Variants in ANXA2 observed in about 807,000 individuals in gnomAD.
ANXA2 encodes annexin II.
Under a neutral mutation model 47.3 loss-of-function variants are expected in ANXA2, and 28 were observed. The ratio of observed to expected loss-of-function variants is 0.59; its 90% CI spans 0.44 to 0.81. ANXA2 has a LOEUF of 0.81. Among genes scored for constraint, ANXA2 ranks in the 40% least tolerant of loss-of-function variants. The probability of loss-of-function intolerance (pLI) is 0.00; values close to 1 mark genes in which losing one functional copy is unlikely to be tolerated. For missense variants in ANXA2, 384 were observed against 414.3 expected (o/e 0.93, Z 0.64); for synonymous variants, 172 against 155.5 (o/e 1.11, Z -0.79).
intron 3 of ANXA2, among the ~76,000 whole-genome samples, chr15:60,377,712 C>T (rs1479762094): frequency 6.6e-6 from 1 of 152,140 alleles, no homozygotes; most frequent in African/African-American, 2.4e-5. Flanking sequence ...ATAATATCTA[C>T]ACAGTGCAGT....
intron 5 of ANXA2, among the ~76,000 whole-genome samples, chr15:60,359,473 T>A (rs989707150): frequency 6.6e-6 from 1 of 152,202 alleles, no homozygotes; most frequent in African/African-American, 2.4e-5. Flanking sequence ...GTTGTCGACA[T>A]TTTATCATTC....
chr15:60,394,425 A>T (rs2063053837), intron 1 of ANXA2: 1 of 152,074 alleles, frequency 6.6e-6, no homozygotes, highest in Admixed American at 6.6e-5. Flanking sequence ...TGGGCCAGGC[A>T]TAGTGGCTCA....
At chr15:60,348,174 C>G (rs1001727817) in intron 12 of ANXA2, among the ~76,000 whole-genome samples, 6 of 152,166 alleles carry the variant, frequency 3.9e-5, no homozygotes, top group African/African-American at 1.4e-4. Flanking sequence ...AACATGTGCC[C>G]TAATAAACCT....
chr15:60,371,221 C>A (rs1304582089), intron 3 of ANXA2, among the ~76,000 whole-genome samples: 1 of 152,180 alleles, frequency 6.6e-6, no homozygotes. Flanking sequence ...ATCGTGGGCA[C>A]CCCCAGAGGT....
chr15:60,372,712 T>TA (rs1171346776), intron 3 of ANXA2, among the ~76,000 whole-genome samples: 1 of 149,082 alleles, frequency 6.7e-6, no homozygotes, highest in Admixed American at 6.7e-5. Flanking sequence ...TTTTTTTTTT[T>TA]AAACAGGGTC....
Position 60,367,382 on chromosome 15 carries a change from C to T in ANXA2, c.149-2859G>A, listed in dbSNP as rs1263446047. ...CCTCTGCCCGGCCAGCCGCCCGGTC[C>T]GGGAGGGAGGCGGGGGGGGGTCGGC... On this transcript the variant is annotated intron_variant, in intron 3 of 12. Coordinates refer to ENST00000451270, the MANE Select transcript of ANXA2 (RefSeq NM_004039.3). Among the ~76,000 whole-genome samples, 22 of 40,874 alleles carry T rather than the reference C, an allele frequency of 5.4e-4. 1 individual carries two copies. Among genetic ancestry groups the T allele is most frequent in the African/African-American group, 2.5e-3 (21 of 8,464 alleles). The allele number at this position is 40,874 out of a possible 152,430, so 26.8% of individuals were successfully genotyped here.
intron 3 of ANXA2, among the ~76,000 whole-genome samples, chr15:60,372,959 C>T (rs931679315): frequency 6.6e-6 from 1 of 152,038 alleles, no homozygotes; most frequent in Non-Finnish European, 1.5e-5. Context: ...CCAGCCTGGC[C>T]CAACAATCTC....
At position 60,397,908 on chromosome 15, in the gene ANXA2, G is replaced by T. The variant is rs560097543; in HGVS notation, c.-12+35C>A. ...CGTCTCCACACCCCGCTAGCTGGCG[G>T]CCCATCGCGGGCGGGCAGGGCGCGC... On this transcript the variant is annotated intron_variant, in intron 1 of 12. Transcript: ENST00000451270. The T allele has an allele frequency of 2.3e-5, 31 of 1,340,416 alleles. 1 individual carries two copies. Among genetic ancestry groups the T allele is most frequent in the South Asian group, 1.2e-4 (6 of 51,794 alleles). 83.0% of individuals were successfully genotyped at this position (1,340,416 alleles called of 1,614,324 possible). A position where few individuals can be genotyped will look rare whatever the true frequency, so the allele number is the denominator to read the frequency against.
chr15:60,374,569 T>A (rs1270903081), intron 3 of ANXA2: 2 of 455,636 alleles, frequency 4.4e-6, no homozygotes, highest in East Asian at 6.9e-5. Flanking sequence ...AACTGTTTTT[T>A]AAAAAAAGAA....
intron 9 of ANXA2, 104 bp from the exon 10 acceptor site, chr15:60,351,923 A>ATGCTG: frequency 2.5e-6 from 2 of 799,680 alleles, no homozygotes; most frequent in Non-Finnish European, 4.2e-6. Flanking sequence ...AAAATTGAGG[A>ATGCTG]TGATCACAGC....
At chr15:60,358,502 TATTA>T (rs775237935) in intron 5 of ANXA2, among the ~76,000 whole-genome samples, 1 of 152,256 alleles carries the variant, frequency 6.6e-6, no homozygotes, top group Admixed American at 6.5e-5. Context: ...GCGTGTCAGC[TATTA>T]ATTAAACTTA....
chr15:60,361,231 T>TA (rs1374441086), intron 4 of ANXA2, among the ~76,000 whole-genome samples, 177 bp from the exon 5 acceptor site: 21 of 152,150 alleles, frequency 1.4e-4, no homozygotes, highest in Admixed American at 6.5e-4. Flanking sequence ...CTCAGAAACA[T>TA]AAACATCAGG....
At chr15:60,368,037 T>C (rs1340440100) in intron 3 of ANXA2, among the ~76,000 whole-genome samples, 4 of 129,792 alleles carry the variant, frequency 3.1e-5, no homozygotes, top group African/African-American at 1.2e-4. Context: ...CTCTGAAACA[T>C]GTGCTGCGTC....
intron 2 of ANXA2, 120 bp downstream of exon 2, chr15:60,385,908 A>G (rs1358773477): frequency 3.1e-6 from 2 of 635,796 alleles, no homozygotes; most frequent in African/African-American, 1.8e-5. Context: ...AGGAGAACCA[A>G]ATGATGACTG....
At chr15:60,391,029 T>C (rs1481443117) in intron 1 of ANXA2, 1 of 152,476 alleles carries the variant, frequency 6.6e-6, no homozygotes, top group East Asian at 1.9e-4. Flanking sequence ...ATACCAAGCA[T>C]ACGCTGAGCC....
At position 60,347,233 on chromosome 15, in the gene ANXA2, C is replaced by T. The variant is rs1895756875; in HGVS notation, c.*397G>A. 2 of 237,178 alleles carry T rather than the reference C, an allele frequency of 8.4e-6. No individual in the cohort carries two copies. Among genetic ancestry groups the T allele is most frequent in the East Asian group, 1.0e-4 (1 of 9,694 alleles). 14.7% of individuals were successfully genotyped at this position (237,178 alleles called of 1,614,324 possible). ...GGGCAACCATACTGTACAGCTCAGT[C>T]CCAGAGCTTTCTTCCTACAGGGACA... On this transcript the variant is annotated 3_prime_UTR_variant, in exon 13 of 13. Coordinates refer to ENST00000451270, the MANE Select transcript of ANXA2 (RefSeq NM_004039.3).
chr15:60,348,172 C>A (rs924538550), intron 12 of ANXA2, among the ~76,000 whole-genome samples: 1 of 152,118 alleles, frequency 6.6e-6, no homozygotes, highest in Non-Finnish European at 1.5e-5. Context: ...TAAACATGTG[C>A]CCTAATAAAC....
At chr15:60,381,437 G>T (rs928832465) in intron 3 of ANXA2, among the ~76,000 whole-genome samples, 3 of 152,290 alleles carry the variant, frequency 2.0e-5, no homozygotes, top group African/African-American at 7.2e-5. Context: ...GGATTCAGGG[G>T]ATGGGACAAC....
In ANXA2 at chr15:60,355,613, G is replaced by C. The variant is rs542419288; in HGVS notation, c.528+306C>G. The C allele has an allele frequency of 6.3e-4, 287 of 454,578 alleles. 1 individual carries two copies. The highest frequency in any genetic ancestry group is 2.8e-3 in the Admixed American group (81 of 29,408). 28.2% of individuals were successfully genotyped at this position (454,578 alleles called of 1,614,324 possible). On this transcript the variant is annotated intron_variant, in intron 7 of 12. Coordinates refer to ENST00000451270, the MANE Select transcript of ANXA2 (RefSeq NM_004039.3). ...TGGGTCCTGCATGACCACAGATAGA[G>C]GCAAAGTGACCTTCCCTAAGTCACA...
Sources: gnomAD v4.1 joint callset for allele counts (sites outside exome capture counted in the v4.1 genomes callset) on GRCh38, gnomAD v4.1.1 for gene constraint, MANE v1.5 for transcripts, NCBI Gene and HGNC (gene_info 2026-07-23, HGNC 2026-07-21) for gene names.